Variants in ACO1 observed in about 807,000 individuals in gnomAD.
The protein encoded by ACO1 is cytoplasmic aconitate hydratase.
In ACO1, 78 loss-of-function variants were observed where a neutral mutation model predicts 105.1. The observed-to-expected ratio is 0.74, with a 90% confidence interval of 0.62 to 0.90. The LOEUF (loss-of-function observed/expected upper bound fraction) is 0.90. ACO1 is among the 40% of genes least tolerant of loss of function. ACO1 has a pLI of 0.00. For synonymous variants in ACO1, 364 were observed against 397.4 expected (o/e 0.92, Z 1.00); for missense variants, 965 against 1,111.1 (o/e 0.87, Z 1.87).
At chr9:32,421,320 C>G (rs950693162) in intron 8 of ACO1, among the ~76,000 whole-genome samples, 1 of 152,176 alleles carries the variant, frequency 6.6e-6, no homozygotes, top group Non-Finnish European at 1.5e-5. Flanking sequence ...ATGGTTACTG[C>G]TGCCTATGGG....
Position 32,453,210 on chromosome 9 carries a change from T to C in ACO1, c.*3099T>C, listed in dbSNP as rs955621424. On this transcript the variant is annotated 3_prime_UTR_variant, in exon 21 of 21. Transcript: ENST00000309951. Reference sequence around the variant, plus strand: ...GCAGCAAGCTAAGAGTTAGTTAATATTTTTAATATAGCAAATAAGGATGAG... The same window carrying C: ...GCAGCAAGCTAAGAGTTAGTTAATACTTTTAATATAGCAAATAAGGATGAG... The C allele has an allele frequency of 2.0e-5, 3 of 152,042 alleles. No individual in the cohort carries two copies. Among genetic ancestry groups the C allele is most frequent in the African/African-American group, 7.3e-5 (3 of 41,312 alleles). The allele number at this position is 152,042 out of a possible 1,614,324, so 9.4% of individuals were successfully genotyped here. A position where few individuals can be genotyped will look rare whatever the true frequency, so the allele number is the denominator to read the frequency against.
chr9:32,385,543 A>G (rs1197392302), intron 1 of ACO1, among the ~76,000 whole-genome samples: 8 of 152,258 alleles, frequency 5.3e-5, no homozygotes, highest in Admixed American at 5.2e-4. Context: ...AACTAATTAT[A>G]TCTTAACATT....
At chr9:32,418,252 GGA>G in intron 5 of ACO1, 55 bp downstream of exon 5, 2 of 1,612,492 alleles carry the variant, frequency 1.2e-6, no homozygotes, top group Non-Finnish European at 1.7e-6. Flanking sequence ...AGGGTACGAG[GGA>G]GAGATGCCAA....
intron 1 of ACO1, among the ~76,000 whole-genome samples, chr9:32,385,237 A>G (rs1821133626): frequency 2.0e-5 from 3 of 152,232 alleles, no homozygotes; most frequent in Non-Finnish European, 1.5e-5. Flanking sequence ...CCACCATGAT[A>G]GATTCAGAGA....
chr9:32,440,354 G>C (rs575095399), intron 18 of ACO1, 111 bp from the exon 19 acceptor site: 1 of 1,115,546 alleles, frequency 9.0e-7, no homozygotes, highest in Non-Finnish European at 1.3e-6. Context: ...ATGATTGGAC[G>C]GATTTGGCCA....
intron 19 of ACO1, among the ~76,000 whole-genome samples, chr9:32,442,625 A>G (rs555417858): frequency 7.2e-5 from 11 of 152,272 alleles, no homozygotes; most frequent in African/African-American, 2.6e-4. Flanking sequence ...AGAGGTAATC[A>G]TTTACTTTAT....
rs397746208 is a variant in ACO1 at position 32,453,371 on chromosome 9, A to AAT, written c.*3260_*3261insAT. The AAT allele has an allele frequency of 6.7e-6, 1 of 149,950 alleles. No individual in the cohort carries two copies. The highest frequency in any genetic ancestry group is 1.5e-5 in the Non-Finnish European group (1 of 67,372). 9.3% of individuals were successfully genotyped at this position (149,950 alleles called of 1,614,324 possible). On this transcript the variant is annotated 3_prime_UTR_variant, in exon 21 of 21. Transcript: ENST00000309951. ...ATTAGCTTAAGGAAAAAAAAAAAAA[A>AAT]GCTGGCTCATAGAACTTGAGGACAG...
At chr9:32,438,846 A>G (rs1822418992) in intron 18 of ACO1, among the ~76,000 whole-genome samples, 1 of 152,224 alleles carries the variant, frequency 6.6e-6, no homozygotes, top group African/African-American at 2.4e-5. Context: ...GTGGAAGAGG[A>G]GAGATTGTTA....
chr9:32,387,184 C>A (rs1821172922), intron 1 of ACO1, among the ~76,000 whole-genome samples: 1 of 152,196 alleles, frequency 6.6e-6, no homozygotes, highest in African/African-American at 2.4e-5. Context: ...GAAATTACCT[C>A]CAACCTGGTG....
chr9:32,416,143 G>A (rs1441202373), intron 4 of ACO1, among the ~76,000 whole-genome samples: 1 of 140,156 alleles, frequency 7.1e-6, no homozygotes, highest in Non-Finnish European at 1.5e-5. Context: ...CGCCCAAGTT[G>A]GAGTGCAGTG....
At chr9:32,441,035 A>G (rs932779778) in intron 19 of ACO1, among the ~76,000 whole-genome samples, 6 of 152,216 alleles carry the variant, frequency 3.9e-5, no homozygotes, top group Admixed American at 3.9e-4. Flanking sequence ...AGAGAAAAGG[A>G]GCCTGGACTT....
intron 19 of ACO1, among the ~76,000 whole-genome samples, chr9:32,445,233 A>T (rs1475376847): frequency 6.6e-6 from 1 of 152,136 alleles, no homozygotes; most frequent in Non-Finnish European, 1.5e-5. Flanking sequence ...CTGTGAATCC[A>T]TCTGGTCCTG....
At chr9:32,444,248 A>G (rs185652774) in intron 19 of ACO1, among the ~76,000 whole-genome samples, 127 of 152,298 alleles carry the variant, frequency 8.3e-4, no homozygotes, top group Non-Finnish European at 1.5e-3. Flanking sequence ...GGTTGGTTCC[A>G]GGTCTTTGCT....
Position 32,417,815 on chromosome 9 carries a change from T to C in ACO1, c.405-313T>C, listed in dbSNP as rs185881813. 9.6e-4 allele frequency among the ~76,000 whole-genome samples: 147 copies of C among 152,352 alleles called. 1 individual carries two copies. Among genetic ancestry groups the C allele is most frequent in the Non-Finnish European group, 1.9e-3 (129 of 68,030 alleles). ...TTAAATGTCCAGGCTGCTGTTGTCA[T>C]ATGAATGTCTTGAGTCTGTTCCTAA... On this transcript the variant is annotated intron_variant, in intron 4 of 20. Coordinates refer to ENST00000309951, the MANE Select transcript of ACO1 (RefSeq NM_002197.3).
intron 19 of ACO1, among the ~76,000 whole-genome samples, chr9:32,443,486 A>T (rs1004044422): frequency 6.6e-6 from 1 of 152,252 alleles, no homozygotes; most frequent in Non-Finnish European, 1.5e-5. Flanking sequence ...TCTATGAATC[A>T]TCTCATTATC....
chr9:32,406,803 A>C (rs986054831), intron 2 of ACO1, among the ~76,000 whole-genome samples: 1 of 152,182 alleles, frequency 6.6e-6, no homozygotes, highest in Admixed American at 6.5e-5. Context: ...TTCTTTTTTG[A>C]AACAGAGTCT....
chr9:32,392,737 G>T (rs1019713625), intron 1 of ACO1, among the ~76,000 whole-genome samples: 1 of 152,156 alleles, frequency 6.6e-6, no homozygotes, highest in African/African-American at 2.4e-5. Context: ...TAACTGTTGC[G>T]GGAGGTCAGG....
intron 4 of ACO1, among the ~76,000 whole-genome samples, chr9:32,411,712 AAAT>A (rs1164721692): frequency 1.3e-5 from 2 of 152,160 alleles, no homozygotes; most frequent in Admixed American, 6.5e-5. Context: ...TGAGATTAGA[AAAT>A]ATTAATTATG....
chr9:32,429,518 C>T lies in ACO1; in HGVS notation c.1569+15C>T. The T allele has an allele frequency of 6.2e-7, 1 of 1,606,802 alleles. No homozygotes were observed. Among genetic ancestry groups the T allele is most frequent in the Non-Finnish European group, 8.5e-7 (1 of 1,174,786 alleles). ...CCATCACACAGGTAATTGCAGAGGT[C>T]CCTGCAGGTCTTCAGAGCAGTTGTT... On this transcript the variant is annotated intron_variant, in intron 13 of 20. Transcript: ENST00000309951.
Sources: gnomAD v4.1 joint callset for allele counts (sites outside exome capture counted in the v4.1 genomes callset) on GRCh38, gnomAD v4.1.1 for gene constraint, MANE v1.5 for transcripts, NCBI Gene and HGNC (gene_info 2026-07-23, HGNC 2026-07-21) for gene names.